Variants in IQCM observed in about 807,000 individuals in gnomAD.
IQCM encodes the protein IQ domain-containing protein M.
IQCM carries 45 observed loss-of-function variants against 57.6 expected under a neutral mutation model. The ratio of observed to expected loss-of-function variants is 0.78; its 90% confidence interval spans 0.62 to 1.00. The LOEUF (loss-of-function observed/expected upper bound fraction) is 1.00, where lower values mean the gene tolerates loss of function less well. Among genes scored for constraint, IQCM ranks in the 50% least tolerant of loss-of-function variants. The pLI, the probability that IQCM is intolerant of heterozygous loss-of-function variation, is 0.00. For synonymous variants in IQCM, 148 were observed against 158.9 expected (o/e 0.93, Z 0.51); for missense variants, 468 against 511.6 (o/e 0.91, Z 0.82).
chr4:149,674,316 A>G (rs1761563853), intron 7 of IQCM, among the ~76,000 whole-genome samples: 1 of 152,146 alleles, frequency 6.6e-6, no homozygotes, highest in African/African-American at 2.4e-5. Context: ...ATCTTAGTTA[A>G]TCCAACAAAA....
At chr4:149,604,211 T>G (rs1250539111) in intron 8 of IQCM, among the ~76,000 whole-genome samples, 2 of 152,176 alleles carry the variant, frequency 1.3e-5, no homozygotes, top group Non-Finnish European at 2.9e-5. Flanking sequence ...ACTGGTTTGA[T>G]TGTGAATCCA....
intron 12 of IQCM, among the ~76,000 whole-genome samples, chr4:149,506,966 A>G (rs1743883281): frequency 6.6e-6 from 1 of 152,298 alleles, no homozygotes; most frequent in Admixed American, 6.5e-5. Flanking sequence ...TCTCACCTTG[A>G]ATTCCCACAT....
chr4:149,773,374 A>C (rs367588574), intron 2 of IQCM, among the ~76,000 whole-genome samples: 16 of 152,076 alleles, frequency 1.1e-4, no homozygotes, highest in African/African-American at 3.6e-4. Context: ...AGAAAGAATT[A>C]ATATCCACCA....
At chr4:149,682,401 T>G (rs1762245204) in intron 6 of IQCM, among the ~76,000 whole-genome samples, 195 bp from the exon 7 acceptor site, 2 of 151,184 alleles carry the variant, frequency 1.3e-5, no homozygotes, top group South Asian at 4.1e-4. Context: ...TACGAAATTT[T>G]GCTGGTTCTG....
At chr4:149,692,518 T>G (rs1456140205) in intron 5 of IQCM, among the ~76,000 whole-genome samples, 1 of 152,172 alleles carries the variant, frequency 6.6e-6, no homozygotes, top group Non-Finnish European at 1.5e-5. Context: ...TGTTAAATAC[T>G]TTGGGTATAA....
intron 9 of IQCM, among the ~76,000 whole-genome samples, chr4:149,585,673 C>T (rs958972504): frequency 2.0e-5 from 3 of 151,544 alleles, no homozygotes; most frequent in Non-Finnish European, 3.0e-5. Context: ...TTCAATTTAC[C>T]TCTCTTAAGT....
At chr4:149,588,706 C>A (rs1339908011) in intron 8 of IQCM, among the ~76,000 whole-genome samples, 1 of 151,854 alleles carries the variant, frequency 6.6e-6, no homozygotes, top group Admixed American at 6.6e-5. Context: ...TCAGGAGAAA[C>A]CAACCCCACG....
intron 13 of IQCM, among the ~76,000 whole-genome samples, chr4:149,352,777 A>T (rs920742987): frequency 5.9e-5 from 9 of 152,188 alleles, no homozygotes; most frequent in Non-Finnish European, 1.2e-4. Flanking sequence ...CACTATTCAT[A>T]TAGATTGGTT....
chr4:149,590,247 C>CTT lies in IQCM; in HGVS notation c.682-2252_682-2251dup, dbSNP rs71596214. ...GCAATTGATTTTTTCTTTTTCTTTC[C>CTT]TTTTTTTTTTTTTTTTTTTTTTGCT... On this transcript the variant is annotated intron_variant, in intron 8 of 13. Transcript: ENST00000636793. 8.3e-3 allele frequency among the ~76,000 whole-genome samples: 608 copies of CTT among 73,494 alleles called. 6 individuals are homozygous for CTT. Among genetic ancestry groups the CTT allele is most frequent in the South Asian group, 0.013 (22 of 1,676 alleles). The allele number at this position is 73,494 out of a possible 152,430, so 48.2% of individuals were successfully genotyped here.
intron 12 of IQCM, among the ~76,000 whole-genome samples, chr4:149,464,789 C>T (rs1738672197): frequency 6.6e-6 from 1 of 151,996 alleles, no homozygotes; most frequent in Non-Finnish European, 1.5e-5. Flanking sequence ...CAACTGGTGC[C>T]TCTCAGGTAC....
At chr4:149,404,459 T>C (rs1459874298) in intron 13 of IQCM, among the ~76,000 whole-genome samples, 1 of 151,820 alleles carries the variant, frequency 6.6e-6, no homozygotes, top group African/African-American at 2.4e-5. Flanking sequence ...ACCCTGAGAG[T>C]TCAAACGTTA....
intron 12 of IQCM, among the ~76,000 whole-genome samples, chr4:149,474,186 T>G (rs1368164315): frequency 1.3e-5 from 2 of 149,248 alleles, no homozygotes; most frequent in Middle Eastern, 3.5e-3. Flanking sequence ...CTATGAAAAG[T>G]AATAATAATA....
intron 2 of IQCM, among the ~76,000 whole-genome samples, chr4:149,770,956 C>T (rs1000296889): frequency 3.3e-5 from 5 of 151,898 alleles, no homozygotes; most frequent in Admixed American, 6.6e-5. Context: ...GAAAATGAAA[C>T]GAAAGACATC....
At chr4:149,546,885 A>G (rs1407007027) in intron 12 of IQCM, among the ~76,000 whole-genome samples, 1 of 152,120 alleles carries the variant, frequency 6.6e-6, no homozygotes, top group Non-Finnish European at 1.5e-5. Flanking sequence ...TTAGACATGA[A>G]GTCCTTGCCC....
intron 12 of IQCM, among the ~76,000 whole-genome samples, chr4:149,509,527 C>T (rs1236223587): frequency 1.3e-5 from 2 of 151,892 alleles, no homozygotes; most frequent in African/African-American, 2.4e-5. Context: ...AGGATTACAG[C>T]ATGAGCCACC....
chr4:149,595,848 A>C (rs1440000079), intron 8 of IQCM, among the ~76,000 whole-genome samples: 1 of 152,154 alleles, frequency 6.6e-6, no homozygotes, highest in East Asian at 1.9e-4. Context: ...ACCAGCCTCC[A>C]CTTTGGAAGG....
intron 13 of IQCM, among the ~76,000 whole-genome samples, chr4:149,368,684 T>G (rs1163986799): frequency 6.8e-6 from 1 of 147,602 alleles, no homozygotes; most frequent in Non-Finnish European, 1.5e-5. Context: ...AGGGGAATGA[T>G]TGGAAAATAC....
At chr4:149,520,926 C>T (rs998818598) in intron 12 of IQCM, among the ~76,000 whole-genome samples, 11 of 152,246 alleles carry the variant, frequency 7.2e-5, no homozygotes, top group Non-Finnish European at 1.3e-4. Flanking sequence ...CAGCCTCTCT[C>T]GCTGCTCTGC....
At chr4:149,633,806 A>C (rs1445001499) in intron 7 of IQCM, among the ~76,000 whole-genome samples, 2 of 152,030 alleles carry the variant, frequency 1.3e-5, no homozygotes, top group Non-Finnish European at 2.9e-5. Flanking sequence ...CCAATAACCC[A>C]TCCTCACTGA....
Sources: allele counts gnomAD v4.1 joint callset (sites outside exome capture counted in the v4.1 genomes callset), GRCh38; gene constraint gnomAD v4.1.1; transcripts MANE v1.5; gene names NCBI Gene and HGNC (gene_info 2026-07-23, HGNC 2026-07-21).